PTPRN2: variants seen among roughly 807,000 people sequenced by gnomAD.
PTPRN2 encodes protein tyrosine phosphatase receptor type N2.
PTPRN2 carries 74 observed loss-of-function variants against 118.8 expected under a neutral mutation model. The ratio of observed to expected loss-of-function variants is 0.62; its 90% CI spans 0.52 to 0.76. The LOEUF is 0.76. Ranked by LOEUF, PTPRN2 falls within the 30% of genes least tolerant of loss-of-function variation. The pLI is 0.00. For missense variants in PTPRN2, 1,481 were observed against 1,394.4 expected (o/e 1.06, Z -0.99); for synonymous variants, 641 against 608.0 (o/e 1.05, Z -0.80).
chr7:158,070,916 G>T (rs1811324131), intron 11 of PTPRN2, among the ~76,000 whole-genome samples: 1 of 130,896 alleles, frequency 7.6e-6, no homozygotes, highest in African/African-American at 3.2e-5. Flanking sequence ...AGGTGCCCAT[G>T]GTGCTGGAGG....
intron 12 of PTPRN2, among the ~76,000 whole-genome samples, chr7:157,719,059 G>A (rs1053552667): frequency 1.3e-5 from 2 of 152,148 alleles, no homozygotes; most frequent in African/African-American, 2.4e-5. Context: ...CCCCAGGAGC[G>A]TGTTCCCCAG....
chr7:158,460,225 A>T (rs1280339236), intron 2 of PTPRN2, among the ~76,000 whole-genome samples: 1 of 113,608 alleles, frequency 8.8e-6, no homozygotes, highest in Non-Finnish European at 1.8e-5. Flanking sequence ...TCTATCTACA[A>T]GTTCCTGCTA....
intron 12 of PTPRN2, among the ~76,000 whole-genome samples, chr7:157,852,762 G>A (rs1194938991): frequency 4.0e-5 from 6 of 151,344 alleles, no homozygotes; most frequent in African/African-American, 1.5e-4. Flanking sequence ...CCAGCTACTC[G>A]GGAGGCTGAG....
intron 2 of PTPRN2, among the ~76,000 whole-genome samples, chr7:158,429,472 G>T (rs1253107343): frequency 6.6e-6 from 1 of 152,154 alleles, no homozygotes; most frequent in Admixed American, 6.5e-5. Context: ...CGTTCCCACG[G>T]ACCGTCAGCC....
At chr7:158,375,007 G>A (rs928309742) in intron 2 of PTPRN2, among the ~76,000 whole-genome samples, 2 of 152,196 alleles carry the variant, frequency 1.3e-5, no homozygotes, top group Non-Finnish European at 2.9e-5. Flanking sequence ...AAAACACAGA[G>A]CATGGTGGCC....
At chr7:158,408,040 A>G (rs561194972) in intron 2 of PTPRN2, among the ~76,000 whole-genome samples, 1 of 152,324 alleles carries the variant, frequency 6.6e-6, no homozygotes, top group South Asian at 2.1e-4. Flanking sequence ...TCATCTTCAG[A>G]AGTTGAAATA....
In PTPRN2 at chr7:158,205,269, G is replaced by T; in HGVS notation, c.282C>A (p.Phe94Leu). The change falls in exon 4 of 23, where the codon TTC (phenylalanine) becomes TTA (leucine). Residue 94 changes from phenylalanine (F) to leucine (L), a missense_variant. Coordinates refer to ENST00000389418, the MANE Select transcript of PTPRN2 (RefSeq NM_002847.5). ...ACTGAGTATAGTCATCCTGCCACGT[G>T]AAACCTGTGGACAAAAATTGCAAAA... Reference protein sequence around the residue: ...VALQKLSGTGFTWQDDYTQYV... With the variant: ...VALQKLSGTGLTWQDDYTQYV... 1 of 1,612,892 alleles carries T rather than the reference G, an allele frequency of 6.2e-7. No individual in the cohort carries two copies. The highest frequency in any genetic ancestry group is 1.3e-5 in the African/African-American group (1 of 74,968).
rs1472179908 is a variant in PTPRN2, at chr7:157,539,722, C to G, written c.*992G>C. On this transcript the variant is annotated 3_prime_UTR_variant, in exon 23 of 23. Coordinates refer to ENST00000389418, the MANE Select transcript of PTPRN2 (RefSeq NM_002847.5). Reference sequence around the variant, plus strand: ...GATCTCCTCTCCCGGGAGGGAAATGCTCGCAGCCCTCTCCGAGTTGCCCTG... The same window carrying G: ...GATCTCCTCTCCCGGGAGGGAAATGGTCGCAGCCCTCTCCGAGTTGCCCTG... 1 of 152,174 alleles carries G rather than the reference C, an allele frequency of 6.6e-6. No individual in the cohort carries two copies. Among genetic ancestry groups the G allele is most frequent in the East Asian group, 1.9e-4 (1 of 5,190 alleles). 9.4% of individuals were successfully genotyped at this position (152,174 alleles called of 1,614,324 possible). A position where few individuals can be genotyped will look rare whatever the true frequency, so the allele number is the denominator to read the frequency against.
Position 158,277,111 on chromosome 7 carries a change from A to G in PTPRN2, c.277+39708T>C, listed in dbSNP as rs576511296. On this transcript the variant is annotated intron_variant, in intron 3 of 22. Transcript: ENST00000389418. Reference sequence around the variant, plus strand: ...AGAAGCCATCCTCTCACACACGTGCACACACACACACACGTGCCCGCACAC... The same window carrying G: ...AGAAGCCATCCTCTCACACACGTGCGCACACACACACACGTGCCCGCACAC... 4.2e-3 allele frequency among the ~76,000 whole-genome samples: 618 copies of G among 148,026 alleles called. 2 individuals carry two copies. Among genetic ancestry groups the G allele is most frequent in the Non-Finnish European group, 7.5e-3 (497 of 65,920 alleles).
chr7:157,821,684 G>A (rs1239614228), intron 12 of PTPRN2, among the ~76,000 whole-genome samples: 2 of 152,218 alleles, frequency 1.3e-5, no homozygotes, highest in Non-Finnish European at 2.9e-5. Context: ...CACTCTGAAT[G>A]AGCTGGAGTC....
intron 14 of PTPRN2, among the ~76,000 whole-genome samples, chr7:157,628,815 T>A (rs2150663869): frequency 6.6e-6 from 1 of 152,356 alleles, no homozygotes; most frequent in African/African-American, 2.4e-5. Context: ...GCTCTGTGGC[T>A]GCACTGCGGT....
At chr7:158,077,108 A>G (rs964213852) in intron 11 of PTPRN2, among the ~76,000 whole-genome samples, 2 of 152,218 alleles carry the variant, frequency 1.3e-5, no homozygotes, top group Admixed American at 6.5e-5. Flanking sequence ...TCCAGCAGAG[A>G]GGCCTGTGAC....
chr7:158,441,441 A>ATG (rs1817185325), intron 2 of PTPRN2, among the ~76,000 whole-genome samples: 1 of 123,632 alleles, frequency 8.1e-6, no homozygotes, highest in Non-Finnish European at 1.7e-5. Flanking sequence ...TGGTGATGGC[A>ATG]GTGGTGGCAG....
intron 2 of PTPRN2, among the ~76,000 whole-genome samples, chr7:158,428,224 G>A (rs1334805694): frequency 6.6e-6 from 1 of 152,174 alleles, no homozygotes; most frequent in African/African-American, 2.4e-5. Context: ...ATCCCAAAAT[G>A]GAAAAACATT....
chr7:158,079,455 A>G (rs748486747), intron 11 of PTPRN2, among the ~76,000 whole-genome samples: 2 of 151,968 alleles, frequency 1.3e-5, no homozygotes, highest in Non-Finnish European at 2.9e-5. Flanking sequence ...AATCAACCTC[A>G]TTTTCTCTAG....
intron 1 of PTPRN2, among the ~76,000 whole-genome samples, chr7:158,538,405 C>T (rs1397081864): frequency 6.6e-6 from 1 of 152,248 alleles, no homozygotes; most frequent in African/African-American, 2.4e-5. Flanking sequence ...CACTCGCAGG[C>T]GACCTCCAGC....
chr7:157,994,843 G>A (rs376668243), intron 11 of PTPRN2, among the ~76,000 whole-genome samples: 5 of 12,284 alleles, frequency 4.1e-4, no homozygotes, highest in Admixed American at 6.7e-4. Flanking sequence ...AATCAACGCC[G>A]CGTCCCCAGC....
chr7:158,269,026 C>A (rs968981240), intron 3 of PTPRN2, among the ~76,000 whole-genome samples: 1 of 152,218 alleles, frequency 6.6e-6, no homozygotes, highest in Non-Finnish European at 1.5e-5. Flanking sequence ...TGAACCTCCC[C>A]GGCTTTGTTT....
At chr7:158,336,780 C>G (rs1156495325) in intron 2 of PTPRN2, among the ~76,000 whole-genome samples, 5 of 103,818 alleles carry the variant, frequency 4.8e-5, no homozygotes, top group African/African-American at 1.6e-4. Flanking sequence ...AGAGGTGACA[C>G]CTGCAGACGT....
Sources: gnomAD v4.1 joint callset for allele counts (sites outside exome capture counted in the v4.1 genomes callset) on GRCh38, gnomAD v4.1.1 for gene constraint, MANE v1.5 for transcripts, NCBI Gene and HGNC (gene_info 2026-07-23, HGNC 2026-07-21) for gene names.